Variants in MCC observed in about 807,000 individuals in gnomAD.
The protein encoded by MCC is colorectal mutant cancer protein.
Under a neutral mutation model 116.2 loss-of-function variants are expected in MCC, and 90 were observed. The observed-to-expected ratio is 0.77, with a 90% CI of 0.65 to 0.92. The LOEUF (loss-of-function observed/expected upper bound fraction) is 0.92, where lower values mean the gene tolerates loss of function less well. Among genes scored for constraint, MCC ranks in the 40% least tolerant of loss-of-function variants. The probability of loss-of-function intolerance (pLI) is 0.00; values close to 1 mark genes in which losing one functional copy is unlikely to be tolerated. For missense variants in MCC, 1,516 were observed against 1,312.2 expected (o/e 1.16, Z -2.40); for synonymous variants, 578 against 510.5 (o/e 1.13, Z -1.78).
At chr5:113,451,377 T>C (rs1771387936) in intron 1 of MCC, among the ~76,000 whole-genome samples, 1 of 152,252 alleles carries the variant, frequency 6.6e-6, no homozygotes, top group South Asian at 2.1e-4. Context: ...TTTTTATTAT[T>C]GTACTGGTCA....
intron 3 of MCC, among the ~76,000 whole-genome samples, chr5:113,203,478 C>CG (rs1022816288): frequency 1.3e-5 from 2 of 151,922 alleles, no homozygotes; most frequent in Non-Finnish European, 2.9e-5. Context: ...GCTTTCAGCA[C>CG]GGCCCAGACC....
rs184991626 is a variant in MCC, at chr5:113,380,060, T to C, written c.415+4908A>G. Among the ~76,000 whole-genome samples the C allele has an allele frequency of 6.4e-4, 97 of 152,360 alleles. 1 individual carries two copies. The highest frequency in any genetic ancestry group is 2.2e-3 in the African/African-American group (91 of 41,582). The stretch of plus-strand genomic sequence containing the variant: ...AGAAAACACTTAGGAGGAATGAATC[T>C]ATGGAAATTCCTCTTCCGAGCTGAG... On this transcript the variant is annotated intron_variant, in intron 2 of 18. Transcript: ENST00000408903.
intron 2 of MCC, among the ~76,000 whole-genome samples, chr5:113,366,018 A>T (rs1768678682): frequency 1.3e-5 from 2 of 152,238 alleles, no homozygotes; most frequent in African/African-American, 4.8e-5. Context: ...ATGGTGACAT[A>T]GATCCAAACC....
At chr5:113,139,938 C>T (rs1009003909) in intron 5 of MCC, among the ~76,000 whole-genome samples, 1 of 151,992 alleles carries the variant, frequency 6.6e-6, no homozygotes, top group Non-Finnish European at 1.5e-5. Context: ...TCTAATGAAG[C>T]TTAAGAGCTT....
At position 113,300,606 on chromosome 5, in the gene MCC, C is replaced by A. The variant is rs141913793; in HGVS notation, c.627+39913G>T. On this transcript the variant is annotated intron_variant, in intron 3 of 18. Coordinates refer to ENST00000408903, the MANE Select transcript of MCC (RefSeq NM_001085377.2). ...AACCCTATGGAGACTCAGGAAGTCT[C>A]AGTCCTTTGAGTCCTTGAGGATCAT... Among the ~76,000 whole-genome samples the A allele has an allele frequency of 3.6e-4, 55 of 152,288 alleles. 1 individual carries two copies. Among genetic ancestry groups the A allele is most frequent in the Admixed American group, 9.8e-4 (15 of 15,306 alleles).
intron 3 of MCC, among the ~76,000 whole-genome samples, chr5:113,333,474 T>C (rs1767750395): frequency 6.6e-6 from 1 of 151,626 alleles, no homozygotes; most frequent in African/African-American, 2.4e-5. Flanking sequence ...ATGATTTTAT[T>C]TGCACAACTC....
chr5:113,305,710 C>A (rs1766970178), intron 3 of MCC, among the ~76,000 whole-genome samples: 1 of 152,190 alleles, frequency 6.6e-6, no homozygotes. Context: ...GATTTTTCTC[C>A]AAAGTACAGT....
chr5:113,044,288 T>G (rs1751924835), intron 16 of MCC, among the ~76,000 whole-genome samples: 1 of 152,144 alleles, frequency 6.6e-6, no homozygotes. Context: ...GGCTTAGCAT[T>G]AGACAGGGAC....
intron 2 of MCC, among the ~76,000 whole-genome samples, chr5:113,366,314 T>C (rs2150387193): frequency 6.6e-6 from 1 of 152,244 alleles, no homozygotes; most frequent in South Asian, 2.1e-4. Flanking sequence ...ATAAATGAAA[T>C]CTTAGTAGGT....
In MCC at chr5:113,272,765, A is replaced by T. The variant is rs141986169; in HGVS notation, c.627+67754T>A. 4.1e-4 allele frequency among the ~76,000 whole-genome samples: 62 copies of T among 152,344 alleles called. 2 individuals carry two copies. The East Asian group carries it at 0.011, about 27-fold the overall frequency. On this transcript the variant is annotated intron_variant, in intron 3 of 18. Coordinates refer to ENST00000408903, the MANE Select transcript of MCC (RefSeq NM_001085377.2). ...AATTATTCTTTTAAAAATGAATATG[A>T]TAATGCTTGGATTGCAAGGAAACGA...
chr5:113,064,819 G>A (rs1257014664), intron 13 of MCC, among the ~76,000 whole-genome samples: 2 of 152,214 alleles, frequency 1.3e-5, no homozygotes, highest in Non-Finnish European at 2.9e-5. Context: ...AGACCAGGCA[G>A]TGAAGTCCCT....
intron 1 of MCC, among the ~76,000 whole-genome samples, chr5:113,446,920 C>T (rs1264020134): frequency 1.3e-5 from 2 of 152,102 alleles, no homozygotes; most frequent in Non-Finnish European, 2.9e-5. Context: ...AGGTAACAAA[C>T]CTGCACATGT....
chr5:113,345,706 T>C (rs560032563), intron 2 of MCC, among the ~76,000 whole-genome samples: 3 of 152,368 alleles, frequency 2.0e-5, no homozygotes, highest in Admixed American at 6.5e-5. Flanking sequence ...CACAGTATTA[T>C]TGGGCTTGGT....
intron 3 of MCC, among the ~76,000 whole-genome samples, chr5:113,277,367 CAA>C (rs34104526): frequency 0.028 from 3,812 of 136,078 alleles, 61 homozygotes; most frequent in African/African-American, 0.04. Flanking sequence ...GACTCCATCT[CAA>C]AAAAAAAAAA....
intron 3 of MCC, among the ~76,000 whole-genome samples, chr5:113,304,742 A>C (rs1391013271): frequency 6.6e-6 from 1 of 152,216 alleles, no homozygotes; most frequent in East Asian, 1.9e-4. Context: ...AGTGGAGATT[A>C]GAGATTTGGA....
chr5:113,394,536 A>C (rs908633446), intron 1 of MCC, among the ~76,000 whole-genome samples: 14 of 152,156 alleles, frequency 9.2e-5, no homozygotes, highest in African/African-American at 3.4e-4. Context: ...CCAGCCACCA[A>C]ATTTCTTTTA....
chr5:113,318,898 G>A (rs1053070669), intron 3 of MCC, among the ~76,000 whole-genome samples: 4 of 152,054 alleles, frequency 2.6e-5, no homozygotes, highest in African/African-American at 4.8e-5. Context: ...ACAGGGTCTC[G>A]TTCTGTTGCC....
chr5:113,405,896 T>C (rs6594715), intron 1 of MCC, among the ~76,000 whole-genome samples: 26,059 of 152,218 alleles, frequency 0.17, 2,449 homozygotes, highest in Non-Finnish European at 0.22. Flanking sequence ...TATGTTTACA[T>C]GACTACATTT....
At chr5:113,273,829 A>C (rs2150354092) in intron 3 of MCC, among the ~76,000 whole-genome samples, 1 of 152,270 alleles carries the variant, frequency 6.6e-6, no homozygotes, top group East Asian at 1.9e-4. Flanking sequence ...GAAAAAAAAA[A>C]CAGTGAGCAA....
Sources: gnomAD v4.1 joint callset for allele counts (sites outside exome capture counted in the v4.1 genomes callset) on GRCh38, gnomAD v4.1.1 for gene constraint, MANE v1.5 for transcripts, NCBI Gene and HGNC (gene_info 2026-07-23, HGNC 2026-07-21) for gene names.